The following MAP1A variants were observed in gnomAD, a reference collection of about 807,000 sequenced individuals.
MAP1A encodes microtubule-associated protein 1A.
In MAP1A, 42 loss-of-function variants were observed where a neutral mutation model predicts 185.9. That is an observed-to-expected ratio of 0.23 (90% CI 0.18 to 0.29). The LOEUF is 0.29. MAP1A is among the 10% of genes least tolerant of loss of function. The pLI is 1.00. For missense variants in MAP1A, 2,995 were observed against 3,450.4 expected (o/e 0.87, Z 3.31); for synonymous variants, 1,229 against 1,335.9 (o/e 0.92, Z 1.74).
At position 43,530,128 on chromosome 15, in the gene MAP1A, T is replaced by G. The variant is rs765284945; in HGVS notation, c.8316T>G (p.His2772Gln). Residue 2772 changes from histidine to glutamine, a missense_variant, in exon 6 of 6, where the codon CAT (histidine) becomes CAG (glutamine). By Grantham distance (24) the His-to-Gln change is conservative (BLOSUM62 0). Coordinates refer to ENST00000300231, the MANE Select transcript of MAP1A (RefSeq NM_002373.6). ...CTCGTGAGTGGTACCAACAAACTCA[T>G]GAGCAGCAGCAACAACTGAATGTCC... is the stretch of plus-strand genomic sequence containing the variant. ...EVTREWYQQT[H>Q]EQQQQLNVLV... The G allele has an allele frequency of 1.2e-6, 2 of 1,614,198 alleles. No individual in the cohort carries two copies. The highest frequency in any genetic ancestry group is 4.5e-5 in the East Asian group (2 of 44,884).
intron 1 of MAP1A, among the ~76,000 whole-genome samples, chr15:43,518,087 T>G (rs985006269): frequency 6.6e-6 from 1 of 152,108 alleles, no homozygotes; most frequent in African/African-American, 2.4e-5. Context: ...ATGTGCCTAA[T>G]AGGAGGGCCC....
At position 43,522,505 on chromosome 15, in the gene MAP1A, A is replaced by G. The variant is rs1166528797; in HGVS notation, c.1032A>G (p.Gly344=). The G allele has an allele frequency of 6.2e-7, 1 of 1,613,714 alleles. No individual in the cohort carries two copies. Among genetic ancestry groups the G allele is most frequent in the African/African-American group, 1.3e-5 (1 of 74,884 alleles). ...LAKREEVVEE[G]AKEARSELAK... ...AACGGGAGGAGGTGGTAGAAGAGGG[A>G]GCCAAGGAGGCACGTTCAGAGCTGG... is the stretch of plus-strand genomic sequence containing the variant. Residue 344 remains glycine (G), a synonymous_variant, in exon 4 of 6, where the codon GGA becomes GGG. Transcript: ENST00000300231. This position sits in a 1 kb window ranked among gnomAD's most constrained non-coding sequence, Gnocchi z 5.9.
At position 43,524,565 on chromosome 15, in the gene MAP1A, G is replaced by A. The variant is rs772956133; in HGVS notation, c.3092G>A (p.Gly1031Glu). The change falls in exon 4 of 6, where the codon GGA (glycine) becomes GAA (glutamate). Residue 1031 changes from glycine (G) to glutamate (E), a missense_variant. Transcript: ENST00000300231. ...PQDFQEADSW[G>E]DTKRTPGVGK... ...GACTTTCAGGAGGCAGACTCCTGGGGAGACACTAAGCGCACACCAGGTGTG... is the reference window on the plus strand; with the variant it reads ...GACTTTCAGGAGGCAGACTCCTGGGAAGACACTAAGCGCACACCAGGTGTG... 6.2e-7 allele frequency: 1 copy of A among 1,614,134 alleles called. No homozygotes were observed. The highest frequency in any genetic ancestry group is 2.2e-5 in the East Asian group (1 of 44,870).
At chr15:43,514,116 T>A (rs970381066), upstream of MAP1A, among the ~76,000 whole-genome samples, 1 of 152,220 alleles carries the variant, frequency 6.6e-6, no homozygotes, top group East Asian at 1.9e-4. Flanking sequence ...GAAATGAGCA[T>A]TGATATATAA....
At position 43,530,071 on chromosome 15, in the gene MAP1A, G is replaced by T. The variant is rs770561390; in HGVS notation, c.8259G>T (p.Val2753=). Residue 2753 remains valine, a splice_region_variant and synonymous_variant, in exon 6 of 6, where the codon GTG becomes GTT. Coordinates refer to ENST00000300231, the MANE Select transcript of MAP1A (RefSeq NM_002373.6). ...GKAQWGENLQ[V]TLIPTHDTEV... ...GACATATCTTATCTCCCTTCTAGGT[G>T]ACTCTGATCCCTACTCATGACACGG... is the stretch of plus-strand genomic sequence containing the variant. The T allele has an allele frequency of 4.3e-6, 7 of 1,614,054 alleles. No individual in the cohort carries two copies. In the East Asian group the frequency reaches 1.3e-4, roughly 31 times the overall value.
chr15:43,530,304 A>G lies in MAP1A; in HGVS notation c.*80A>G, dbSNP rs891117218. ...GCTACTGCTGAGTCCTTTGGGGTTG[A>G]GGGAGATGGGAGCTAGGGGGAGGGG... On this transcript the variant is annotated 3_prime_UTR_variant, in exon 6 of 6. Transcript: ENST00000300231. The G allele has an allele frequency of 4.5e-6, 7 of 1,558,586 alleles. No homozygotes were observed. In the African/African-American group the frequency reaches 9.5e-5, roughly 21 times the overall value.
rs2079343359 is a variant in MAP1A at position 43,526,333 on chromosome 15, T to C, written c.4860T>C (p.Ala1620=). 1 of 1,613,738 alleles carries C rather than the reference T, an allele frequency of 6.2e-7. No individual in the cohort carries two copies. The change falls in exon 4 of 6, where the codon GCT becomes GCC. Residue 1620 remains alanine (A), a synonymous_variant. Coordinates refer to ENST00000300231, the MANE Select transcript of MAP1A (RefSeq NM_002373.6). The surrounding 1 kb of genome is among the most constrained non-coding windows in gnomAD (Gnocchi z 4.7). ...AAGCTCTTCTGGAGAAGACCAAAGC[T>C]CTGGGCCTGGAAGAGAGCCTAGTGC... ...KLEALLEKTK[A]LGLEESLVQE...
chr15:43,527,767 G>C lies in MAP1A; in HGVS notation c.6294G>C (p.Arg2098=). Residue 2098 remains arginine, a synonymous_variant, in exon 4 of 6, where the codon CGG becomes CGC. Coordinates refer to ENST00000300231, the MANE Select transcript of MAP1A (RefSeq NM_002373.6). ...RRSPSPKESG[R]SHWDDSTSDS... is the part of the protein sequence containing the mutation. ...CCCCATCCCCCAAGGAATCAGGCCG[G>C]AGTCACTGGGATGACAGCACTAGTG... 1.9e-6 allele frequency: 3 copies of C among 1,613,792 alleles called. No homozygotes were observed.
In MAP1A at chr15:43,526,241, A is replaced by G. The variant is rs751755478; in HGVS notation, c.4768A>G (p.Thr1590Ala). Residue 1590 changes from threonine (T) to alanine (A), a missense_variant, in exon 4 of 6, where the codon ACC becomes GCC. This residue lies in a region of MAP1A where 2,728 missense variants were observed against 2,986.0 expected (regional missense o/e 0.91). Coordinates refer to ENST00000300231, the MANE Select transcript of MAP1A (RefSeq NM_002373.6). This position sits in a 1 kb window ranked among gnomAD's most constrained non-coding sequence, Gnocchi z 4.7. ...GGAGAGCCTAGTGCAGGAGGATAAAACCAGGAAACCAAAGATGCTAGAGGA... is the reference window on the plus strand; with the variant it reads ...GGAGAGCCTAGTGCAGGAGGATAAAGCCAGGAAACCAAAGATGCTAGAGGA... The part of the protein sequence containing the change: ...EQESLVQEDK[T>A]RKPKMLEEKS... 1.9e-6 allele frequency: 3 copies of G among 1,613,988 alleles called. No homozygotes were observed. Among genetic ancestry groups the G allele is most frequent in the African/African-American group, 2.7e-5 (2 of 74,896 alleles).
rs1330193185 is a variant in MAP1A, at chr15:43,526,093, G to C, written c.4620G>C (p.Lys1540Asn). ...AGAAACACCAGGCCCAGGAACAAAA[G>C]GATAAAGTCTCAGAAAAGAAGGATC... ...PEQKHQAQEQKDKVSEKKDQA... is the reference protein window; with the variant it reads ...PEQKHQAQEQNDKVSEKKDQA... Residue 1540 changes from lysine to asparagine, a missense_variant, in exon 4 of 6, where the codon AAG (lysine) becomes AAC (asparagine). Physicochemically the swap from Lys to Asn is moderately conservative, Grantham distance 94. Around this residue, in one of 3 missense-constraint regions of MAP1A, gnomAD observed 2,728 missense variants for 2,986.0 expected, o/e 0.91. Coordinates refer to ENST00000300231, the MANE Select transcript of MAP1A (RefSeq NM_002373.6). This position sits in a 1 kb window ranked among gnomAD's most constrained non-coding sequence, Gnocchi z 4.7. 3.1e-6 allele frequency: 5 copies of C among 1,613,906 alleles called. No individual in the cohort carries two copies. The highest frequency in any genetic ancestry group is 3.4e-6 in the Non-Finnish European group (4 of 1,180,028).
chr15:43,512,787 A>C (rs552364477), upstream of MAP1A, among the ~76,000 whole-genome samples: 2 of 152,248 alleles, frequency 1.3e-5, no homozygotes, highest in African/African-American at 4.8e-5. Flanking sequence ...GGCAGAGCAG[A>C]ATCTTGGTAC....
In MAP1A at chr15:43,524,013, A is replaced by G; in HGVS notation, c.2540A>G (p.Glu847Gly). Reference protein sequence around the residue: ...KLSSFATSVAEDQSVASLTAP... With the variant: ...KLSSFATSVAGDQSVASLTAP... The stretch of plus-strand genomic sequence containing the variant: ...TCTTCCTTTGCCACATCAGTGGCTG[A>G]GGACCAATCTGTGGCCTCACTTACA... The change falls in exon 4 of 6, where the codon GAG becomes GGG. Residue 847 changes from glutamate to glycine, a missense_variant. By Grantham distance (98) the Glu-to-Gly change is moderately conservative. Coordinates refer to ENST00000300231, the MANE Select transcript of MAP1A (RefSeq NM_002373.6). 1 of 1,614,104 alleles carries G rather than the reference A, an allele frequency of 6.2e-7. No homozygotes were observed. The highest frequency in any genetic ancestry group is 8.5e-7 in the Non-Finnish European group (1 of 1,180,026).
rs772626887 is a variant in MAP1A, at chr15:43,521,453, C to T, written c.-21C>T. On this transcript the variant is annotated 5_prime_UTR_variant, in exon 4 of 6. Transcript: ENST00000300231. The surrounding 1 kb of genome is among the most constrained non-coding windows in gnomAD (Gnocchi z 4.6). ...AGAGACCCTGCACCTCCGGCTAAACCCTGAGCCCACTCTGCCCACCATGGA... is the reference window on the plus strand; with the variant it reads ...AGAGACCCTGCACCTCCGGCTAAACTCTGAGCCCACTCTGCCCACCATGGA... 4 of 1,614,162 alleles carry T rather than the reference C, an allele frequency of 2.5e-6. No individual in the cohort carries two copies. The highest frequency in any genetic ancestry group is 1.7e-6 in the Non-Finnish European group (2 of 1,180,032).
upstream of MAP1A, among the ~76,000 whole-genome samples, chr15:43,513,287 A>T (rs1448064783): frequency 6.6e-6 from 1 of 151,928 alleles, no homozygotes; most frequent in Non-Finnish European, 1.5e-5. Flanking sequence ...AGATCGTGCC[A>T]TTGCACTCCA....
rs756423658 is a variant in MAP1A, at chr15:43,524,592, G to A, written c.3119G>A (p.Gly1040Asp). Residue 1040 changes from glycine to aspartate, a missense_variant, in exon 4 of 6, where the codon GGC (glycine) becomes GAC (aspartate). Coordinates refer to ENST00000300231, the MANE Select transcript of MAP1A (RefSeq NM_002373.6). ...WGDTKRTPGV[G>D]KEDAAEETVK... is the part of the protein sequence containing the mutation. ...GACACTAAGCGCACACCAGGTGTGG[G>A]CAAAGAAGATGCTGCTGAGGAGACA... 1 of 1,614,130 alleles carries A rather than the reference G, an allele frequency of 6.2e-7. No homozygotes were observed. The highest frequency in any genetic ancestry group is 8.5e-7 in the Non-Finnish European group (1 of 1,180,014).
intron 1 of MAP1A, among the ~76,000 whole-genome samples, chr15:43,518,608 C>T (rs1056668561): frequency 6.6e-6 from 1 of 152,004 alleles, no homozygotes; most frequent in African/African-American, 2.4e-5. Context: ...CACACTCACA[C>T]ACTGCGGCAA....
At position 43,527,117 on chromosome 15, in the gene MAP1A, G is replaced by A. The variant is rs754776278; in HGVS notation, c.5644G>A (p.Glu1882Lys). ...TGCACCCTTCTCTTGGGGCACAGCCGAGTATGACAGTGTGGTGGCTGCAGT... is the reference window on the plus strand; with the variant it reads ...TGCACCCTTCTCTTGGGGCACAGCCAAGTATGACAGTGTGGTGGCTGCAGT... Reference protein sequence around the residue: ...TPAPFSWGTAEYDSVVAAVQE... With the variant: ...TPAPFSWGTAKYDSVVAAVQE... The change falls in exon 4 of 6, where the codon GAG (glutamate) becomes AAG (lysine). Residue 1882 changes from glutamate (E) to lysine (K), a missense_variant. Physicochemically the swap from Glu to Lys is moderately conservative, Grantham distance 56. Coordinates refer to ENST00000300231, the MANE Select transcript of MAP1A (RefSeq NM_002373.6). The A allele has an allele frequency of 5.6e-6, 9 of 1,605,186 alleles. No individual in the cohort carries two copies. Among genetic ancestry groups the A allele is most frequent in the East Asian group, 4.5e-5 (2 of 44,730 alleles).
At chr15:43,519,838 G>A (rs975742596) in intron 1 of MAP1A, among the ~76,000 whole-genome samples, 5 of 152,288 alleles carry the variant, frequency 3.3e-5, no homozygotes, top group Non-Finnish European at 5.9e-5. Context: ...CCCTAGGAGC[G>A]GGGCAAAGAT....
At position 43,528,721 on chromosome 15, in the gene MAP1A, A is replaced by G. The variant is rs1255091904; in HGVS notation, c.7248A>G (p.Ala2416=). ...CCCCTGAGCAGCCAGTGTGTCCTGC[A>G]GGGGGCTCCGGGGGCCCACCCAGCA... The part of the protein sequence containing the change: ...LLSPEQPVCP[A]GGSGGPPSSA... Residue 2416 remains alanine (A), a synonymous_variant, in exon 4 of 6, where the codon GCA becomes GCG. Coordinates refer to ENST00000300231, the MANE Select transcript of MAP1A (RefSeq NM_002373.6). The G allele has an allele frequency of 3.7e-6, 6 of 1,613,028 alleles. No homozygotes were observed. The South Asian group carries it at 4.4e-5, about 12-fold the overall frequency.
Sources: gnomAD v4.1 joint callset for allele counts (sites outside exome capture counted in the v4.1 genomes callset) on GRCh38, gnomAD v4.1.1 for gene constraint, gnomAD v4.1.1 regional missense constraint, Gnocchi (gnomAD v3.1) non-coding constraint, MANE v1.5 for transcripts, NCBI Gene and HGNC (gene_info 2026-07-23, HGNC 2026-07-21) for gene names.